CORIN: variants seen among roughly 807,000 people sequenced by gnomAD.
CORIN encodes corin, serine peptidase.
In CORIN, 117 loss-of-function variants were observed where a neutral mutation model predicts 125.3. That is an observed-to-expected ratio of 0.93 (90% CI 0.80 to 1.09). The LOEUF is 1.09. Ranked by LOEUF, CORIN falls within the 50% of genes least tolerant of loss-of-function variation. The probability of loss-of-function intolerance (pLI) is 0.00; values close to 1 mark genes in which losing one functional copy is unlikely to be tolerated. For missense variants in CORIN, 1,253 were observed against 1,306.7 expected, an observed-to-expected ratio of 0.96 and a Z score of 0.63; for synonymous variants, 450 against 466.4, an observed-to-expected ratio of 0.96 and a Z score of 0.45.
At chr4:47,709,431 G>A (rs749545967) in intron 5 of CORIN, among the ~76,000 whole-genome samples, 17 of 151,896 alleles carry the variant, frequency 1.1e-4, no homozygotes, top group Non-Finnish European at 1.8e-4. Flanking sequence ...TAGCTGGGAC[G>A]ACAGGCACCC....
chr4:47,832,854 C>T (rs558989636), intron 1 of CORIN, among the ~76,000 whole-genome samples: 112 of 152,304 alleles, frequency 7.4e-4, no homozygotes, highest in African/African-American at 2.6e-3. Flanking sequence ...CTGCCCAATA[C>T]AGTTGCCACC....
At chr4:47,760,553 C>T (rs989570556) in intron 4 of CORIN, among the ~76,000 whole-genome samples, 3 of 152,136 alleles carry the variant, frequency 2.0e-5, no homozygotes, top group African/African-American at 7.2e-5. Flanking sequence ...TTCTGTTACA[C>T]TTATAGAGTA....
Position 47,763,441 on chromosome 4 carries a change from T to C in CORIN, c.555A>G (p.Gln185=). The change falls in exon 4 of 22, where the codon CAA becomes CAG. Residue 185 remains glutamine, a synonymous_variant. Transcript: ENST00000273857. The part of the protein sequence containing the change: ...FTYLHRLSCY[Q]HIMLFGCTLA... Reference sequence around the variant, plus strand: ...GGGTACAGCCAAACAGCATGATATGTTGATAGCAACTGAGGCGATGGAGAT... The same window carrying C: ...GGGTACAGCCAAACAGCATGATATGCTGATAGCAACTGAGGCGATGGAGAT... 2 of 1,614,126 alleles carry C rather than the reference T, an allele frequency of 1.2e-6. No homozygotes were observed. The highest frequency in any genetic ancestry group is 1.7e-6 in the Non-Finnish European group (2 of 1,180,004).
intron 5 of CORIN, among the ~76,000 whole-genome samples, chr4:47,712,868 C>T (rs1427803714): frequency 2.0e-5 from 3 of 152,040 alleles, no homozygotes; most frequent in Non-Finnish European, 2.9e-5. Flanking sequence ...ACCAAGAATT[C>T]AGTACATGAG....
chr4:47,741,713 C>T (rs529795436), intron 5 of CORIN, among the ~76,000 whole-genome samples: 1 of 152,028 alleles, frequency 6.6e-6, no homozygotes, highest in Non-Finnish European at 1.5e-5. Context: ...AATGGAGTAT[C>T]AATTGACAAT....
At position 47,763,231 on chromosome 4, in the gene CORIN, T is replaced by C. The variant is rs911419532; in HGVS notation, c.617+148A>G. 24 of 634,272 alleles carry C rather than the reference T, an allele frequency of 3.8e-5. No individual in the cohort carries two copies. The African/African-American group carries it at 4.2e-4, about 11-fold the overall frequency. The allele number at this position is 634,272 out of a possible 1,614,324, so 39.3% of individuals were successfully genotyped here. A position where few individuals can be genotyped will look rare whatever the true frequency, so the allele number is the denominator to read the frequency against. On this transcript the variant is annotated intron_variant, in intron 4 of 21. Transcript: ENST00000273857. ...AAATTATTCCAGATTTTCAAAACATTTCTATTTTCAAAGAATTAGAACTAG... is the reference window on the plus strand; with the variant it reads ...AAATTATTCCAGATTTTCAAAACATCTCTATTTTCAAAGAATTAGAACTAG...
intron 5 of CORIN, among the ~76,000 whole-genome samples, chr4:47,709,518 C>T (rs1726743514): frequency 6.6e-6 from 1 of 152,044 alleles, no homozygotes; most frequent in East Asian, 1.9e-4. Context: ...TCTCAAACTC[C>T]TGAGCTCAAG....
chr4:47,730,112 G>A (rs1395577216), intron 5 of CORIN, among the ~76,000 whole-genome samples: 1 of 152,194 alleles, frequency 6.6e-6, no homozygotes, highest in African/African-American at 2.4e-5. Context: ...CTGGCTCCCT[G>A]CCCTTGCGAT....
At position 47,777,337 on chromosome 4, in the gene CORIN, T is replaced by C. The variant is rs148989633; in HGVS notation, c.409+9388A>G. The stretch of plus-strand genomic sequence containing the variant: ...AACAAGTACTATACCATAAGTCTTA[T>C]TAATTCAAACACTGGCCAGGCGCGG... On this transcript the variant is annotated intron_variant, in intron 3 of 21. Transcript: ENST00000273857. Among the ~76,000 whole-genome samples, 18 of 152,216 alleles carry C rather than the reference T, an allele frequency of 1.2e-4. No individual in the cohort carries two copies. The East Asian group carries it at 2.9e-3, about 24-fold the overall frequency.
intron 11 of CORIN, 97 bp from the exon 12 acceptor site, chr4:47,661,953 G>A: frequency 8.1e-7 from 1 of 1,227,592 alleles, no homozygotes; most frequent in South Asian, 1.8e-5. Context: ...TGTGTATGTG[G>A]CATGTATTGT....
At chr4:47,633,194 G>A (rs145625655) in intron 16 of CORIN, among the ~76,000 whole-genome samples, 1,837 of 152,128 alleles carry the variant, frequency 0.012, 11 homozygotes, top group Non-Finnish European at 0.021. Flanking sequence ...AGCAAAGGGG[G>A]GAGGTTAATG....
chr4:47,784,091 A>T (rs369431915), intron 3 of CORIN, among the ~76,000 whole-genome samples: 4 of 152,244 alleles, frequency 2.6e-5, no homozygotes, highest in African/African-American at 9.6e-5. Context: ...TCAAATTCAC[A>T]CCGTGAAAAA....
chr4:47,623,947 G>C lies in CORIN; in HGVS notation c.2317C>G (p.Gln773Glu). 6.2e-7 allele frequency: 1 copy of C among 1,612,580 alleles called. No homozygotes were observed. The highest frequency in any genetic ancestry group is 1.1e-5 in the South Asian group (1 of 91,004). The change falls in exon 18 of 22, where the codon CAG becomes GAG. Residue 773 changes from glutamine (Q) to glutamate (E), a missense_variant and splice_region_variant. Coordinates refer to ENST00000273857, the MANE Select transcript of CORIN (RefSeq NM_006587.4). ...ATTTTACTTCTGCTCTCACAAGACT[G>C]CCTGGATTTGGAAACATAAAATGGT... is the stretch of plus-strand genomic sequence containing the variant. ...TTLHELLVNGQSCESRSKISL... is the reference protein window; with the variant it reads ...TTLHELLVNGESCESRSKISL...
intron 6 of CORIN, among the ~76,000 whole-genome samples, chr4:47,686,776 TG>T (rs1370068132): frequency 6.6e-6 from 1 of 152,188 alleles, no homozygotes; most frequent in African/African-American, 2.4e-5. Flanking sequence ...GCCCAGAGGA[TG>T]GGGGACAGTG....
At chr4:47,673,368 T>G (rs181676120) in intron 10 of CORIN, among the ~76,000 whole-genome samples, 1 of 148,376 alleles carries the variant, frequency 6.7e-6, no homozygotes, top group South Asian at 2.1e-4. Context: ...AGAGCCAGAC[T>G]CTGTCTCAGA....
At chr4:47,781,423 C>T (rs776657982) in intron 3 of CORIN, among the ~76,000 whole-genome samples, 1 of 152,100 alleles carries the variant, frequency 6.6e-6, no homozygotes, top group Non-Finnish European at 1.5e-5. Context: ...ATAAAATACA[C>T]GAGCTGTCCA....
In CORIN at chr4:47,704,105, C is replaced by G. The variant is rs1194382892; in HGVS notation, c.800-11022G>C. On this transcript the variant is annotated intron_variant, in intron 5 of 21. Coordinates refer to ENST00000273857, the MANE Select transcript of CORIN (RefSeq NM_006587.4). ...AGGTCTCTGGATTCTTTCTCCCAGG[C>G]TCCTCCGCTTTTCTACTACCGCATG... 5.3e-5 allele frequency among the ~76,000 whole-genome samples: 8 copies of G among 152,180 alleles called. 1 individual carries two copies. The highest frequency in any genetic ancestry group is 7.4e-5 in the Non-Finnish European group (5 of 68,020).
intron 10 of CORIN, among the ~76,000 whole-genome samples, chr4:47,665,696 C>T (rs1724448816): frequency 6.6e-6 from 1 of 152,160 alleles, no homozygotes; most frequent in Non-Finnish European, 1.5e-5. Flanking sequence ...TAGATAACTT[C>T]TGTCTATATG....
chr4:47,671,178 C>T (rs1421320606), intron 10 of CORIN, among the ~76,000 whole-genome samples: 4 of 152,184 alleles, frequency 2.6e-5, no homozygotes, highest in Admixed American at 2.6e-4. Context: ...CTGGGTCCCA[C>T]CCAATATATC....
Sources: gnomAD v4.1 joint callset for allele counts (sites outside exome capture counted in the v4.1 genomes callset) on GRCh38, gnomAD v4.1.1 for gene constraint, MANE v1.5 for transcripts, NCBI Gene and HGNC (gene_info 2026-07-23, HGNC 2026-07-21) for gene names.